LARGE1: variants seen among roughly 807,000 people sequenced by gnomAD.
The protein encoded by LARGE1 is xylosyl- and glucuronyltransferase LARGE1.
In LARGE1, 43 loss-of-function variants were observed where a neutral mutation model predicts 87.6. That is an observed-to-expected ratio of 0.49 (90% confidence interval 0.38 to 0.63). The LOEUF (loss-of-function observed/expected upper bound fraction) is 0.63. Ranked by LOEUF, LARGE1 falls within the 30% of genes least tolerant of loss-of-function variation. The probability of loss-of-function intolerance (pLI) is 0.00; values close to 1 mark genes in which losing one functional copy is unlikely to be tolerated. For missense variants in LARGE1, 802 were observed against 1,000.2 expected (o/e 0.80, Z 2.67); for synonymous variants, 434 against 394.6 (o/e 1.10, Z -1.18).
In LARGE1 at chr22:33,316,146, C is replaced by A; in HGVS notation, c.1390G>T (p.Glu464Ter). The A allele has an allele frequency of 6.2e-7, 1 of 1,614,124 alleles. No homozygotes were observed. The highest frequency in any genetic ancestry group is 8.5e-7 in the Non-Finnish European group (1 of 1,180,024). The change falls in exon 11 of 15, where the codon GAG becomes TAG. Residue 464 changes from glutamate (E) to a stop codon, truncating the protein, a stop_gained. Transcript: ENST00000397394. LOFTEE classifies it high-confidence loss of function. ...GTGCTGTCTGCTGCAGGCTCATACT[C>A]GTAGTGCAGGAAGTACAGGTGGGTG... Reference protein sequence around the residue: ...HRTHLYFLHYEYEPAADSTDV... With the variant: ...HRTHLYFLHY
intron 1 of LARGE1, among the ~76,000 whole-genome samples, chr22:33,847,226 A>G (rs1026092700): frequency 4.6e-5 from 7 of 152,238 alleles, no homozygotes; most frequent in Admixed American, 1.3e-4. Flanking sequence ...GTTCCCCGAT[A>G]AAGTTCCATC....
intron 1 of LARGE1, among the ~76,000 whole-genome samples, chr22:33,846,776 G>A (rs1038723833): frequency 9.2e-5 from 14 of 152,244 alleles, no homozygotes; most frequent in East Asian, 1.9e-4. Context: ...CTCCCATAGC[G>A]CTCCCAGGCT....
chr22:33,742,506 G>C (rs748170934), intron 2 of LARGE1, among the ~76,000 whole-genome samples: 1 of 152,170 alleles, frequency 6.6e-6, no homozygotes, highest in Non-Finnish European at 1.5e-5. Flanking sequence ...GCAAGGACTA[G>C]GAGCCCACTT....
At chr22:33,893,341 TAAAC>T (rs1269578758) in intron 1 of LARGE1, among the ~76,000 whole-genome samples, 1 of 152,176 alleles carries the variant, frequency 6.6e-6, no homozygotes, top group Non-Finnish European at 1.5e-5. Context: ...GAATAAATCT[TAAAC>T]TATTCCATGT....
intron 10 of LARGE1, among the ~76,000 whole-genome samples, chr22:33,318,757 T>A (rs539310643): frequency 7.9e-5 from 12 of 151,528 alleles, no homozygotes; most frequent in Non-Finnish European, 1.2e-4. Flanking sequence ...TAAAAAAAAA[T>A]GATAATTTGC....
Position 33,761,522 on chromosome 22 carries a change from C to G in LARGE1, c.-46G>C, listed in dbSNP as rs1392524352. On this transcript the variant is annotated 5_prime_UTR_variant, in exon 2 of 15. Coordinates refer to ENST00000397394, the MANE Select transcript of LARGE1 (RefSeq NM_133642.5). Reference sequence around the variant, plus strand: ...CTAATCCCAGCGCCGTTTCTCTGTCCGGAGCATGAAGTCCTCGGCCTCCCT... The same window carrying G: ...CTAATCCCAGCGCCGTTTCTCTGTCGGGAGCATGAAGTCCTCGGCCTCCCT... 6.7e-7 allele frequency: 1 copy of G among 1,496,796 alleles called. No homozygotes were observed. Among genetic ancestry groups the G allele is most frequent in the South Asian group, 1.1e-5 (1 of 88,662 alleles). 92.7% of individuals were successfully genotyped at this position (1,496,796 alleles called of 1,614,324 possible).
intron 2 of LARGE1, among the ~76,000 whole-genome samples, chr22:33,662,784 A>C (rs1227550218): frequency 6.6e-6 from 1 of 152,168 alleles, no homozygotes; most frequent in Non-Finnish European, 1.5e-5. Context: ...TGATTCCTTC[A>C]ATGGCATCCC....
At chr22:33,842,992 T>C (rs1243070640) in intron 1 of LARGE1, among the ~76,000 whole-genome samples, 1 of 152,096 alleles carries the variant, frequency 6.6e-6, no homozygotes, top group East Asian at 1.9e-4. Context: ...AAACAGGGCA[T>C]CTGTTTTGTT....
chr22:33,339,730 G>A (rs1938932569), intron 9 of LARGE1, among the ~76,000 whole-genome samples: 3 of 152,290 alleles, frequency 2.0e-5, no homozygotes, highest in East Asian at 1.9e-4. Flanking sequence ...ATAACAAAGT[G>A]CACTCTTGGC....
the LARGE1 span, among the ~76,000 whole-genome samples, chr22:33,123,024 C>A: frequency 1.3e-5 from 2 of 152,182 alleles, no homozygotes; most frequent in African/African-American, 4.8e-5. Flanking sequence ...GAATCCTGTG[C>A]TAGAGAACTG....
At chr22:33,777,684 AAGG>A (rs2085291442) in intron 1 of LARGE1, among the ~76,000 whole-genome samples, 1 of 100,084 alleles carries the variant, frequency 1.0e-5, no homozygotes, top group Non-Finnish European at 2.1e-5. Flanking sequence ...GGAGAAGGAG[AAGG>A]GGAAGGGAAG....
At chr22:33,357,138 G>T (rs566129881) in intron 9 of LARGE1, among the ~76,000 whole-genome samples, 1 of 151,922 alleles carries the variant, frequency 6.6e-6, no homozygotes, top group Admixed American at 6.6e-5. Flanking sequence ...ATGGCTTAAC[G>T]TAGAAAGAAA....
the LARGE1 span, among the ~76,000 whole-genome samples, chr22:33,125,374 A>G: frequency 6.6e-6 from 1 of 152,180 alleles, no homozygotes; most frequent in Admixed American, 6.5e-5. Flanking sequence ...AGGAATGGGA[A>G]CACTTATTGA....
At chr22:33,376,773 A>AT (rs1432343512) in intron 9 of LARGE1, among the ~76,000 whole-genome samples, 1 of 152,120 alleles carries the variant, frequency 6.6e-6, no homozygotes, top group Non-Finnish European at 1.5e-5. Flanking sequence ...ACTTGTTCAA[A>AT]TTTTTTACAG....
intron 11 of LARGE1, among the ~76,000 whole-genome samples, chr22:33,180,290 A>T (rs1484172762): frequency 6.6e-6 from 1 of 152,266 alleles, no homozygotes; most frequent in Non-Finnish European, 1.5e-5. Flanking sequence ...AAATAAACAA[A>T]TGTAAATGAT....
intron 11 of LARGE1, among the ~76,000 whole-genome samples, chr22:33,314,699 C>T (rs538996906): frequency 5.3e-5 from 8 of 152,222 alleles, no homozygotes; most frequent in African/African-American, 1.9e-4. Flanking sequence ...AATCAAACTT[C>T]CTTCCTAATT....
intron 1 of LARGE1, among the ~76,000 whole-genome samples, chr22:33,790,667 T>C (rs938938908): frequency 5.9e-5 from 9 of 152,228 alleles, no homozygotes; most frequent in African/African-American, 2.2e-4. Flanking sequence ...CCTTCAGATA[T>C]ATGATGAAAG....
chr22:33,623,276 G>T (rs2079812927), intron 4 of LARGE1, among the ~76,000 whole-genome samples: 1 of 152,020 alleles, frequency 6.6e-6, no homozygotes, highest in Non-Finnish European at 1.5e-5. Context: ...CAGGATGAAG[G>T]CCGTAGTACT....
chr22:33,205,261 C>T (rs1400052679), intron 11 of LARGE1, among the ~76,000 whole-genome samples: 1 of 152,136 alleles, frequency 6.6e-6, no homozygotes, highest in Non-Finnish European at 1.5e-5. Context: ...AGAGATCATG[C>T]ACTAAAAAAA....
Sources: gnomAD v4.1 joint callset for allele counts (sites outside exome capture counted in the v4.1 genomes callset) on GRCh38, gnomAD v4.1.1 for gene constraint, MANE v1.5 for transcripts, NCBI Gene and HGNC (gene_info 2026-07-23, HGNC 2026-07-21) for gene names.